CCBE1: variants seen among roughly 807,000 people sequenced by gnomAD.
CCBE1 encodes collagen and calcium-binding EGF domain-containing protein 1.
A neutral mutation model predicts 50.0 loss-of-function variants in CCBE1; 37 were observed. The ratio of observed to expected loss-of-function variants is 0.74; its 90% confidence interval spans 0.57 to 0.97. The LOEUF (loss-of-function observed/expected upper bound fraction) is 0.97, where lower values mean the gene tolerates loss of function less well. CCBE1 is among the 50% of genes least tolerant of loss of function. The pLI, the probability that CCBE1 is intolerant of heterozygous loss-of-function variation, is 0.00. For missense variants in CCBE1, 538 were observed against 523.8 expected, an observed-to-expected ratio of 1.03 and a Z score of -0.26; for synonymous variants, 234 against 203.7, an observed-to-expected ratio of 1.15 and a Z score of -1.27.
chr18:59,494,522 A>AT lies in CCBE1; in HGVS notation c.213-14285dup, dbSNP rs5825341. On this transcript the variant is annotated intron_variant, in intron 2 of 10. Transcript: ENST00000439986. ...GCATGGAGTTGAAAAATGAGGACAG[A>AT]TTTTTTTTTTTTTAATGTTGGGGTT... 4.5e-3 allele frequency among the ~76,000 whole-genome samples: 676 copies of AT among 149,578 alleles called. 3 individuals are homozygous for AT. The highest frequency in any genetic ancestry group is 7.1e-3 in the Non-Finnish European group (479 of 67,322).
At chr18:59,610,010 C>T (rs1428590574) in intron 2 of CCBE1, among the ~76,000 whole-genome samples, 1 of 152,200 alleles carries the variant, frequency 6.6e-6, no homozygotes, top group African/African-American at 2.4e-5. Context: ...ATGGATGTAG[C>T]ACACAAACCT....
chr18:59,639,596 C>T (rs1018111179), intron 2 of CCBE1, among the ~76,000 whole-genome samples: 2 of 152,134 alleles, frequency 1.3e-5, no homozygotes, highest in African/African-American at 2.4e-5. Flanking sequence ...GACAAAGACG[C>T]CCTCTCTCAC....
At chr18:59,586,024 T>G (rs1217614230) in intron 2 of CCBE1, among the ~76,000 whole-genome samples, 1 of 152,228 alleles carries the variant, frequency 6.6e-6, no homozygotes, top group Non-Finnish European at 1.5e-5. Context: ...AGTAATAATA[T>G]TGGCCTTTTA....
At chr18:59,673,541 G>A (rs1324143401) in intron 2 of CCBE1, among the ~76,000 whole-genome samples, 1 of 152,094 alleles carries the variant, frequency 6.6e-6, no homozygotes, top group Non-Finnish European at 1.5e-5. Flanking sequence ...GTAAGTGCTC[G>A]GCACATACTT....
chr18:59,622,414 G>A (rs2053723378), intron 2 of CCBE1, among the ~76,000 whole-genome samples: 1 of 151,946 alleles, frequency 6.6e-6, no homozygotes, highest in African/African-American at 2.4e-5. Flanking sequence ...TGAGGTAGGA[G>A]AATCGCTTGA....
chr18:59,607,532 C>T (rs1213048074), intron 2 of CCBE1, among the ~76,000 whole-genome samples: 4 of 152,176 alleles, frequency 2.6e-5, no homozygotes, highest in Non-Finnish European at 4.4e-5. Context: ...GACATAGTCC[C>T]ATAAATCACA....
At chr18:59,611,793 G>C (rs2053572705) in intron 2 of CCBE1, among the ~76,000 whole-genome samples, 1 of 152,148 alleles carries the variant, frequency 6.6e-6, no homozygotes, top group Non-Finnish European at 1.5e-5. Flanking sequence ...ACCAAATACA[G>C]GAAAAGAGCA....
At chr18:59,569,859 G>C (rs2052885210) in intron 2 of CCBE1, among the ~76,000 whole-genome samples, 1 of 152,110 alleles carries the variant, frequency 6.6e-6, no homozygotes, top group South Asian at 2.1e-4. Context: ...TTAAACTCCT[G>C]GCCTCAAGTG....
At chr18:59,620,644 A>G (rs1435477138) in intron 2 of CCBE1, among the ~76,000 whole-genome samples, 1 of 152,170 alleles carries the variant, frequency 6.6e-6, no homozygotes, top group Non-Finnish European at 1.5e-5. Context: ...TGCCATTCTC[A>G]TAATAGTGAA....
chr18:59,545,289 C>G (rs1400388277), intron 2 of CCBE1, among the ~76,000 whole-genome samples: 2 of 151,002 alleles, frequency 1.3e-5, no homozygotes, highest in South Asian at 2.1e-4. Flanking sequence ...CAGTAAATAC[C>G]TATTATAAAA....
chr18:59,485,777 ATT>A (rs1168992808), intron 2 of CCBE1, among the ~76,000 whole-genome samples: 3 of 151,246 alleles, frequency 2.0e-5, no homozygotes, highest in African/African-American at 7.3e-5. Flanking sequence ...CGCTCAGCTT[ATT>A]TTCGGTAGAC....
At chr18:59,652,676 G>T (rs1197995606) in intron 2 of CCBE1, among the ~76,000 whole-genome samples, 1 of 152,166 alleles carries the variant, frequency 6.6e-6, no homozygotes, top group African/African-American at 2.4e-5. Context: ...CTAAAGAAAG[G>T]ATTTTCGGCC....
At chr18:59,522,639 C>G (rs1197902047) in intron 2 of CCBE1, among the ~76,000 whole-genome samples, 1 of 152,116 alleles carries the variant, frequency 6.6e-6, no homozygotes, top group African/African-American at 2.4e-5. Flanking sequence ...CTGAAGAAAC[C>G]CCATGAAGAC....
intron 2 of CCBE1, among the ~76,000 whole-genome samples, chr18:59,653,273 C>A (rs1221422835): frequency 6.6e-6 from 1 of 152,186 alleles, no homozygotes; most frequent in Non-Finnish European, 1.5e-5. Context: ...CCAAACCAGG[C>A]TTCTCAATGA....
At chr18:59,671,915 C>T (rs763653462) in intron 2 of CCBE1, among the ~76,000 whole-genome samples, 6 of 151,812 alleles carry the variant, frequency 4.0e-5, no homozygotes, top group Non-Finnish European at 7.4e-5. Flanking sequence ...GCTGGCAGGA[C>T]GCTGGTTTGC....
chr18:59,548,932 C>G (rs1022543090), intron 2 of CCBE1, among the ~76,000 whole-genome samples: 1 of 151,812 alleles, frequency 6.6e-6, no homozygotes, highest in Non-Finnish European at 1.5e-5. Context: ...GCAAAACCCC[C>G]TATGTATTAA....
At chr18:59,640,944 C>T (rs374062063) in intron 2 of CCBE1, among the ~76,000 whole-genome samples, 7 of 152,116 alleles carry the variant, frequency 4.6e-5, no homozygotes, top group Non-Finnish European at 8.8e-5. Flanking sequence ...GATACCGTCT[C>T]GTACCAGTCA....
intron 2 of CCBE1, among the ~76,000 whole-genome samples, chr18:59,678,098 C>T (rs9653092): frequency 0.021 from 3,245 of 152,172 alleles, 97 homozygotes; most frequent in African/African-American, 0.074. Flanking sequence ...GTGCGGTAGT[C>T]GTAAGCATGT....
upstream of CCBE1, chr18:59,697,479 G>A (rs2144764435): frequency 8.6e-7 from 1 of 1,160,448 alleles, no homozygotes; most frequent in East Asian, 2.6e-5. Flanking sequence ...CCTGCACGGG[G>A]AGCAGGGGTC....
Sources: gnomAD v4.1 joint callset for allele counts (sites outside exome capture counted in the v4.1 genomes callset) on GRCh38, gnomAD v4.1.1 for gene constraint, MANE v1.5 for transcripts, NCBI Gene and HGNC (gene_info 2026-07-23, HGNC 2026-07-21) for gene names.